The following ANO2 variants were observed in gnomAD, a reference collection of about 807,000 sequenced individuals.
ANO2 encodes the protein anoctamin-2.
A neutral mutation model predicts 124.2 loss-of-function variants in ANO2; 101 were observed. The observed-to-expected ratio is 0.81, with a 90% confidence interval of 0.69 to 0.96. The LOEUF (loss-of-function observed/expected upper bound fraction) is 0.96, where lower values mean the gene tolerates loss of function less well. Ranked by LOEUF, ANO2 falls within the 40% of genes least tolerant of loss-of-function variation. The probability of loss-of-function intolerance (pLI) is 0.00; values close to 1 mark genes in which losing one functional copy is unlikely to be tolerated. For missense variants in ANO2, 1,293 were observed against 1,274.5 expected (o/e 1.01, Z -0.22); for synonymous variants, 486 against 482.5 (o/e 1.01, Z -0.09).
At chr12:5,687,215 C>T (rs939739363) in intron 14 of ANO2, among the ~76,000 whole-genome samples, 1 of 152,248 alleles carries the variant, frequency 6.6e-6, no homozygotes, top group African/African-American at 2.4e-5. Flanking sequence ...TAGAATTACA[C>T]ACATTTCCTG....
chr12:5,658,268 C>T lies in ANO2; in HGVS notation c.1546-10467G>A, dbSNP rs139244626. On this transcript the variant is annotated intron_variant, in intron 14 of 24. Transcript: ENST00000682330. This position sits in a 1 kb window ranked among gnomAD's most constrained non-coding sequence, Gnocchi z 4.3. ...CATAACAAAGAGATTGAAAATAGTGCCAACGGTATGAGATTGCTGCTATGG... is the reference window on the plus strand; with the variant it reads ...CATAACAAAGAGATTGAAAATAGTGTCAACGGTATGAGATTGCTGCTATGG... 6.6e-6 allele frequency among the ~76,000 whole-genome samples: 1 copy of T among 152,216 alleles called. No homozygotes were observed. The highest frequency in any genetic ancestry group is 2.4e-5 in the African/African-American group (1 of 41,528).
At chr12:5,772,785 A>G (rs1035652583) in intron 10 of ANO2, among the ~76,000 whole-genome samples, 1 of 152,260 alleles carries the variant, frequency 6.6e-6, no homozygotes, top group African/African-American at 2.4e-5. Flanking sequence ...CCTAATATAT[A>G]GATCTAAATT....
intron 13 of ANO2, 76 bp from the exon 14 acceptor site, chr12:5,732,706 T>A: frequency 6.5e-7 from 1 of 1,533,744 alleles, no homozygotes. Flanking sequence ...ACCAGACACA[T>A]GTACATTAAC....
intron 14 of ANO2, among the ~76,000 whole-genome samples, chr12:5,698,492 A>G (rs1565582228): frequency 6.6e-6 from 1 of 152,242 alleles, no homozygotes; most frequent in Non-Finnish European, 1.5e-5. Flanking sequence ...CACAAAGATG[A>G]GGAGAAACCA....
intron 1 of ANO2, among the ~76,000 whole-genome samples, chr12:5,944,218 G>T (rs1011553887): frequency 4.0e-5 from 6 of 151,298 alleles, no homozygotes; most frequent in Non-Finnish European, 8.9e-5. Context: ...ACAAAGGCTC[G>T]GCAGGTGGAG....
intron 14 of ANO2, among the ~76,000 whole-genome samples, chr12:5,716,166 A>G (rs1271685615): frequency 1.3e-5 from 2 of 152,198 alleles, no homozygotes; most frequent in African/African-American, 2.4e-5. Context: ...CACTTAGCAC[A>G]TATTATTTTT....
chr12:5,762,625 A>G (rs1229084879), intron 10 of ANO2, among the ~76,000 whole-genome samples: 1 of 151,850 alleles, frequency 6.6e-6, no homozygotes, highest in African/African-American at 2.4e-5. Context: ...GGAAGAAAGG[A>G]TATAGATAAA....
intron 3 of ANO2, among the ~76,000 whole-genome samples, chr12:5,859,000 C>A (rs1955188184): frequency 6.6e-6 from 1 of 152,234 alleles, no homozygotes; most frequent in Non-Finnish European, 1.5e-5. Flanking sequence ...TACAGTGCAT[C>A]TCCAGAATTT....
rs570585222 is a variant in ANO2, at chr12:5,822,920, G to C, written c.892+4849C>G. ...ATGGCAGTGGCAAGAGGGCAAGAGAGAAAGAGGAAGAAGCAAAAGCAGAAA... is the reference window on the plus strand; with the variant it reads ...ATGGCAGTGGCAAGAGGGCAAGAGACAAAGAGGAAGAAGCAAAAGCAGAAA... On this transcript the variant is annotated intron_variant, in intron 7 of 24. Coordinates refer to ENST00000682330, the MANE Select transcript of ANO2 (RefSeq NM_001364791.2). Among the ~76,000 whole-genome samples the C allele has an allele frequency of 5.3e-5, 8 of 152,314 alleles. No individual in the cohort carries two copies. In the South Asian group the frequency reaches 1.7e-3, roughly 32 times the overall value.
chr12:5,895,703 T>A (rs1408481924), intron 3 of ANO2, among the ~76,000 whole-genome samples: 2 of 151,456 alleles, frequency 1.3e-5, no homozygotes, highest in Non-Finnish European at 2.9e-5. Flanking sequence ...ATTAGTACAA[T>A]CACTATGAAA....
At chr12:5,810,089 C>CA (rs1002986171) in intron 7 of ANO2, among the ~76,000 whole-genome samples, 1 of 152,202 alleles carries the variant, frequency 6.6e-6, no homozygotes, top group African/African-American at 2.4e-5. Flanking sequence ...CCAGAGCCCC[C>CA]AAAATGCCGC....
At chr12:5,752,470 A>G (rs1951467031) in intron 10 of ANO2, among the ~76,000 whole-genome samples, 1 of 152,184 alleles carries the variant, frequency 6.6e-6, no homozygotes, top group Non-Finnish European at 1.5e-5. Context: ...GACATTAAAC[A>G]CTTTCTCCTA....
intron 14 of ANO2, among the ~76,000 whole-genome samples, chr12:5,699,430 C>T (rs1372313243): frequency 1.3e-5 from 2 of 152,222 alleles, no homozygotes; most frequent in East Asian, 3.9e-4. Context: ...CTTACAAGAG[C>T]TCCTGAAGGA....
intron 23 of ANO2, among the ~76,000 whole-genome samples, chr12:5,567,032 G>A (rs749658528): frequency 6.6e-6 from 1 of 152,202 alleles, no homozygotes; most frequent in Non-Finnish European, 1.5e-5. Context: ...AAGAGAAAAA[G>A]AGACGCACAC....
At chr12:5,914,519 C>T (rs1008182867) in intron 3 of ANO2, among the ~76,000 whole-genome samples, 6 of 152,260 alleles carry the variant, frequency 3.9e-5, no homozygotes, top group Non-Finnish European at 7.3e-5. Context: ...CTGTGGGCCC[C>T]CAGACTTCCC....
intron 15 of ANO2, among the ~76,000 whole-genome samples, chr12:5,643,051 A>C (rs752178863): frequency 4.2e-5 from 6 of 141,938 alleles, no homozygotes; most frequent in Non-Finnish European, 9.0e-5. Flanking sequence ...GAACATGCAG[A>C]AAAATCCATT....
intron 14 of ANO2, among the ~76,000 whole-genome samples, chr12:5,697,455 A>T (rs945362489): frequency 1.4e-4 from 22 of 152,274 alleles, no homozygotes; most frequent in South Asian, 6.2e-4. Flanking sequence ...AAATAAAATT[A>T]AAAAATTAAA....
intron 14 of ANO2, among the ~76,000 whole-genome samples, chr12:5,731,175 G>A (rs536525740): frequency 1.8e-4 from 28 of 152,284 alleles, no homozygotes; most frequent in African/African-American, 6.0e-4. Context: ...AAGTTTGCAC[G>A]GCGTTGCCGA....
chr12:5,818,702 C>T lies in ANO2; in HGVS notation c.892+9067G>A, dbSNP rs575429059. Reference sequence around the variant, plus strand: ...TCTACTTCTAATAGTATGGAGAACACTGATAGTCCTTGGCATGAACTGTTT... The same window carrying T: ...TCTACTTCTAATAGTATGGAGAACATTGATAGTCCTTGGCATGAACTGTTT... On this transcript the variant is annotated intron_variant, in intron 7 of 24. Coordinates refer to ENST00000682330, the MANE Select transcript of ANO2 (RefSeq NM_001364791.2). Among the ~76,000 whole-genome samples the T allele has an allele frequency of 3.4e-4, 52 of 151,858 alleles. No individual in the cohort carries two copies. In the Middle Eastern group the frequency reaches 0.01, roughly 30 times the overall value.
Sources: gnomAD v4.1 joint callset for allele counts (sites outside exome capture counted in the v4.1 genomes callset) on GRCh38, gnomAD v4.1.1 for gene constraint, Gnocchi (gnomAD v3.1) non-coding constraint, MANE v1.5 for transcripts, NCBI Gene and HGNC (gene_info 2026-07-23, HGNC 2026-07-21) for gene names.